The following DSE variants were observed in gnomAD, a reference collection of about 807,000 sequenced individuals.
The protein encoded by DSE is dermatan-sulfate epimerase.
In DSE, 36 loss-of-function variants were observed where a neutral mutation model predicts 84.4. That is an observed-to-expected ratio of 0.43 (90% CI 0.33 to 0.56). DSE has a LOEUF of 0.56. DSE is among the 20% of genes least tolerant of loss of function. DSE has a pLI of 0.06. For missense variants in DSE, 862 were observed against 1,169.6 expected, an observed-to-expected ratio of 0.74 and a Z score of 3.84; for synonymous variants, 410 against 430.1, an observed-to-expected ratio of 0.95 and a Z score of 0.58.
rs778689865 is a variant in DSE at position 116,436,301 on chromosome 6, T to G, written c.1833T>G (p.Asp611Glu). 2.5e-6 allele frequency: 4 copies of G among 1,614,126 alleles called. No homozygotes were observed. Among genetic ancestry groups the G allele is most frequent in the Middle Eastern group, 1.6e-4 (1 of 6,062 alleles). Residue 611 changes from aspartate to glutamate, a missense_variant, in exon 6 of 6, where the codon GAT (aspartate) becomes GAG (glutamate). Physicochemically the swap from Asp to Glu is conservative, Grantham distance 45. Coordinates refer to ENST00000644252, the MANE Select transcript of DSE (RefSeq NM_013352.4). Reference protein sequence around the residue: ...GVHGAFIRQRDGLYKMYWMDD... With the variant: ...GVHGAFIRQREGLYKMYWMDD... ...ATGGGGCTTTCATCAGGCAGAGAGA[T>G]GGTCTCTATAAAATGTACTGGATGG... is the stretch of plus-strand genomic sequence containing the variant.
intron 2 of DSE, among the ~76,000 whole-genome samples, chr6:116,265,620 C>T (rs143961680): frequency 0.017 from 2,622 of 152,182 alleles, 38 homozygotes; most frequent in South Asian, 0.024. Flanking sequence ...TAAGCATGGT[C>T]CACCAGCACA....
At chr6:116,275,164 A>C (rs1773068587) in intron 2 of DSE, among the ~76,000 whole-genome samples, 1 of 152,246 alleles carries the variant, frequency 6.6e-6, no homozygotes, top group Non-Finnish European at 1.5e-5. Context: ...AGTGCTCAAT[A>C]GCCACTGGTG....
At chr6:116,415,314 A>G (rs1397045886) in intron 2 of DSE, among the ~76,000 whole-genome samples, 1 of 151,848 alleles carries the variant, frequency 6.6e-6, no homozygotes, top group African/African-American at 2.4e-5. Flanking sequence ...GTCTGACCCC[A>G]CTATTCCTGA....
chr6:116,273,641 T>C (rs1020220959), intron 2 of DSE, among the ~76,000 whole-genome samples: 1 of 152,094 alleles, frequency 6.6e-6, no homozygotes, highest in Admixed American at 6.5e-5. Flanking sequence ...AGTAGATGTT[T>C]TGAATGTGTG....
intron 3 of DSE, among the ~76,000 whole-genome samples, chr6:116,427,880 A>G (rs1338743385): frequency 6.6e-6 from 1 of 152,218 alleles, no homozygotes; most frequent in Non-Finnish European, 1.5e-5. Flanking sequence ...CTACTCTCAC[A>G]AAAACCTAAA....
At chr6:116,254,330 T>C (rs1285526643) in intron 1 of DSE, 1 of 577,022 alleles carries the variant, frequency 1.7e-6, no homozygotes, top group South Asian at 1.5e-5. Flanking sequence ...TCTAAGCCTC[T>C]GAATGAATTT....
At chr6:116,328,292 A>AGTTCTTAG (rs1298169405) in intron 2 of DSE, among the ~76,000 whole-genome samples, 2 of 152,194 alleles carry the variant, frequency 1.3e-5, no homozygotes, top group African/African-American at 4.8e-5. Context: ...GTATACAATA[A>AGTTCTTAG]GTTCTTAGGG....
intron 2 of DSE, among the ~76,000 whole-genome samples, chr6:116,286,042 A>G (rs571320638): frequency 2.6e-5 from 4 of 152,092 alleles, no homozygotes; most frequent in African/African-American, 7.2e-5. Flanking sequence ...GAGGAGTTTT[A>G]TCCAATTCTG....
intron 2 of DSE, among the ~76,000 whole-genome samples, chr6:116,356,774 G>A (rs961003587): frequency 1.3e-5 from 2 of 151,960 alleles, no homozygotes; most frequent in Non-Finnish European, 2.9e-5. Context: ...TCTCCCTCCC[G>A]TGCTGCTTGT....
Position 116,404,081 on chromosome 6 carries a change from A to G in DSE, c.416+4415A>G, listed in dbSNP as rs903786278. ...TTTGCATGTGTAGAAAAATGAAATG[A>G]CTGCCTGTCCACCAGGCAGCCTCCC... On this transcript the variant is annotated intron_variant, in intron 2 of 5. Transcript: ENST00000644252. 2.0e-5 allele frequency among the ~76,000 whole-genome samples: 3 copies of G among 152,120 alleles called. No homozygotes were observed. In the South Asian group the frequency reaches 6.2e-4, roughly 32 times the overall value.
intron 2 of DSE, among the ~76,000 whole-genome samples, chr6:116,342,399 A>C (rs1301047236): frequency 6.6e-6 from 1 of 150,756 alleles, no homozygotes; most frequent in African/African-American, 2.5e-5. Flanking sequence ...CTCCTGCCTC[A>C]GTCTCCTGAG....
chr6:116,307,328 A>C (rs1482294309), intron 2 of DSE, among the ~76,000 whole-genome samples: 3 of 152,230 alleles, frequency 2.0e-5, no homozygotes, highest in African/African-American at 7.2e-5. Context: ...TCAGCAGTTG[A>C]CAGACAGCTA....
chr6:116,308,979 A>G (rs536468164), intron 2 of DSE, among the ~76,000 whole-genome samples: 10 of 152,366 alleles, frequency 6.6e-5, no homozygotes, highest in African/African-American at 2.4e-4. Context: ...TAGATATTCT[A>G]ATAAATAGTG....
chr6:116,276,409 AG>A (rs921956469), intron 2 of DSE, among the ~76,000 whole-genome samples: 1 of 152,200 alleles, frequency 6.6e-6, no homozygotes, highest in Non-Finnish European at 1.5e-5. Flanking sequence ...CATGGAAAAA[AG>A]TGATTGAGTA....
chr6:116,420,628 T>C (rs1783011197), intron 2 of DSE, among the ~76,000 whole-genome samples: 1 of 152,188 alleles, frequency 6.6e-6, no homozygotes, highest in Non-Finnish European at 1.5e-5. Context: ...AGCTACCCAG[T>C]CTATGGCATT....
At chr6:116,373,144 A>ACCAGGTGGATCACC (rs1381429346) in intron 1 of DSE, among the ~76,000 whole-genome samples, 2 of 151,946 alleles carry the variant, frequency 1.3e-5, no homozygotes, top group East Asian at 3.9e-4. Context: ...CACCAGGTCA[A>ACCAGGTGGATCACC]GAGTTCGAGA....
At chr6:116,384,464 C>G (rs750125861) in intron 1 of DSE, among the ~76,000 whole-genome samples, 1 of 152,108 alleles carries the variant, frequency 6.6e-6, no homozygotes, top group Non-Finnish European at 1.5e-5. Context: ...ACCTAGCAGC[C>G]TGAGGTGGAC....
intron 2 of DSE, among the ~76,000 whole-genome samples, chr6:116,425,629 A>ATTT (rs1198347413): frequency 6.5e-5 from 3 of 46,114 alleles, no homozygotes; most frequent in African/African-American, 1.7e-4. Context: ...ATTTTATTTT[A>ATTT]TTTTTTTTTT....
At chr6:116,365,505 G>A (rs534923820), upstream of DSE, among the ~76,000 whole-genome samples, 38 of 152,248 alleles carry the variant, frequency 2.5e-4, no homozygotes, top group African/African-American at 6.5e-4. Flanking sequence ...TGCCCATCTC[G>A]GCCTCCCAAA....
Sources: allele counts gnomAD v4.1 joint callset (sites outside exome capture counted in the v4.1 genomes callset), GRCh38; gene constraint gnomAD v4.1.1; transcripts MANE v1.5; gene names NCBI Gene and HGNC (gene_info 2026-07-23, HGNC 2026-07-21).